The following DACH1 variants were observed in gnomAD, a reference collection of about 807,000 sequenced individuals.
The protein encoded by DACH1 is dachshund family transcription factor 1.
DACH1 carries 12 observed loss-of-function variants against 54.2 expected under a neutral mutation model. That is an observed-to-expected ratio of 0.22 (90% CI 0.14 to 0.36). The LOEUF (loss-of-function observed/expected upper bound fraction) is 0.36, where lower values mean the gene tolerates loss of function less well. DACH1 is among the 10% of genes least tolerant of loss of function. DACH1 has a pLI of 1.00. For synonymous variants in DACH1, 386 were observed against 366.2 expected, an observed-to-expected ratio of 1.05 and a Z score of -0.62; for missense variants, 805 against 929.8, an observed-to-expected ratio of 0.87 and a Z score of 1.75.
chr13:71,654,821 ATAATTC>A (rs1489360899), intron 2 of DACH1, among the ~76,000 whole-genome samples: 2 of 152,216 alleles, frequency 1.3e-5, no homozygotes, highest in Non-Finnish European at 2.9e-5. Context: ...ATAAACAAAA[ATAATTC>A]TAACAATAAA....
intron 1 of DACH1, among the ~76,000 whole-genome samples, chr13:71,848,329 C>A (rs9572800): frequency 0.08 from 12,100 of 152,056 alleles, 1,309 homozygotes; most frequent in East Asian, 0.56. Context: ...AGTGTTAATA[C>A]AATTTTAATA....
chr13:71,661,102 T>C (rs958095572), intron 2 of DACH1, among the ~76,000 whole-genome samples: 1 of 151,052 alleles, frequency 6.6e-6, no homozygotes, highest in African/African-American at 2.4e-5. Context: ...TTTTCCATGT[T>C]GTTTATTACA....
rs375963797 is a variant in DACH1 at position 71,516,337 on chromosome 13, CTTTTA to C, written c.1571-27194_1571-27190del. Among the ~76,000 whole-genome samples the C allele has an allele frequency of 2.2e-3, 341 of 151,668 alleles. 3 individuals are homozygous for C. The highest frequency in any genetic ancestry group is 8.0e-3 in the African/African-American group (330 of 41,382). Reference sequence around the variant, plus strand: ...TGTCTGGATGACTATAGTATCTTTCCTTTTATTTTTTTTTCTAAAGGCGTCTAATT... The same window carrying C: ...TGTCTGGATGACTATAGTATCTTTCCTTTTTTTTTCTAAAGGCGTCTAATT... On this transcript the variant is annotated intron_variant, in intron 6 of 10. Coordinates refer to ENST00000613252, the MANE Select transcript of DACH1 (RefSeq NM_080759.6).
intron 1 of DACH1, among the ~76,000 whole-genome samples, chr13:71,727,925 T>C (rs1033455076): frequency 2.6e-5 from 4 of 152,018 alleles, no homozygotes; most frequent in African/African-American, 9.7e-5. Flanking sequence ...GAGTAGATCT[T>C]AATTTCAGTG....
At chr13:71,824,112 G>A (rs1327334647) in intron 1 of DACH1, among the ~76,000 whole-genome samples, 2 of 151,880 alleles carry the variant, frequency 1.3e-5, no homozygotes, top group Non-Finnish European at 2.9e-5. Context: ...TAGAATATGT[G>A]TTACCTACGT....
intron 6 of DACH1, among the ~76,000 whole-genome samples, chr13:71,511,007 G>A (rs1593811109): frequency 6.6e-6 from 1 of 151,924 alleles, no homozygotes; most frequent in African/African-American, 2.4e-5. Context: ...TTGAAATAAT[G>A]TTTATACAAA....
rs78583042 is a variant in DACH1, at chr13:71,786,996, G to C, written c.848+78926C>G. On this transcript the variant is annotated intron_variant, in intron 1 of 10. Transcript: ENST00000613252. The stretch of plus-strand genomic sequence containing the variant: ...CTCCTTAGCCAGCCACTGTGAGAGA[G>C]AGAAAATGCAATTAAGGTTCCCACC... Among the ~76,000 whole-genome samples, 396 of 152,270 alleles carry C rather than the reference G, an allele frequency of 2.6e-3. 4 individuals carry two copies. The East Asian group carries it at 0.04, about 16-fold the overall frequency.
intron 1 of DACH1, among the ~76,000 whole-genome samples, chr13:71,792,992 A>G (rs1886896159): frequency 6.6e-6 from 1 of 152,158 alleles, no homozygotes; most frequent in Non-Finnish European, 1.5e-5. Context: ...TCTCTTTTGG[A>G]GCAGCTTTTA....
intron 3 of DACH1, among the ~76,000 whole-genome samples, chr13:71,624,242 T>A (rs898996176): frequency 6.6e-6 from 1 of 151,900 alleles, no homozygotes; most frequent in Non-Finnish European, 1.5e-5. Context: ...CTATTCTTAA[T>A]CAATTGAATT....
chr13:71,499,937 A>G (rs1879772210), intron 6 of DACH1, among the ~76,000 whole-genome samples: 1 of 152,170 alleles, frequency 6.6e-6, no homozygotes. Flanking sequence ...TAGTAGATGC[A>G]TAGTGCACCC....
intron 1 of DACH1, among the ~76,000 whole-genome samples, chr13:71,777,626 C>T (rs1316993678): frequency 1.3e-5 from 2 of 152,080 alleles, no homozygotes; most frequent in Non-Finnish European, 2.9e-5. Flanking sequence ...CACAAAAAAA[C>T]TAATCCAAAC....
chr13:71,725,615 A>G (rs1289421207), intron 1 of DACH1, among the ~76,000 whole-genome samples: 1 of 152,096 alleles, frequency 6.6e-6, no homozygotes, highest in Non-Finnish European at 1.5e-5. Flanking sequence ...TATAAATTTT[A>G]CTTTGATTAG....
At chr13:71,801,217 T>A (rs1221859939) in intron 1 of DACH1, among the ~76,000 whole-genome samples, 2 of 152,140 alleles carry the variant, frequency 1.3e-5, no homozygotes, top group African/African-American at 2.4e-5. Context: ...GTCTTCAATC[T>A]TCACATAAAT....
intron 2 of DACH1, among the ~76,000 whole-genome samples, chr13:71,666,654 G>A (rs1199357603): frequency 6.6e-6 from 1 of 151,864 alleles, no homozygotes; most frequent in Non-Finnish European, 1.5e-5. Flanking sequence ...CTGCATGCTA[G>A]TTGATATGAC....
At chr13:71,748,962 TTC>T (rs777988022) in intron 1 of DACH1, among the ~76,000 whole-genome samples, 29,783 of 66,302 alleles carry the variant, frequency 0.45, 6,332 homozygotes, top group Non-Finnish European at 0.58. Flanking sequence ...CTCTCTTTCT[TTC>T]TCTCTCTCTC....
chr13:71,736,449 A>G (rs1264946102), intron 1 of DACH1, among the ~76,000 whole-genome samples: 1 of 152,184 alleles, frequency 6.6e-6, no homozygotes, highest in African/African-American at 2.4e-5. Context: ...AGCTTAAGGA[A>G]AAAAGGTAAA....
intron 2 of DACH1, among the ~76,000 whole-genome samples, chr13:71,678,655 CTTCT>C (rs1475799246): frequency 6.7e-6 from 1 of 149,974 alleles, no homozygotes; most frequent in Non-Finnish European, 1.5e-5. Context: ...TCTCTCTTTC[CTTCT>C]TTCTTTTTTT....
rs140562773 is a variant in DACH1 at position 71,499,637 on chromosome 13, T to G, written c.1571-10489A>C. Among the ~76,000 whole-genome samples the G allele has an allele frequency of 5.2e-3, 799 of 152,358 alleles. 4 individuals are homozygous for G. The highest frequency in any genetic ancestry group is 9.4e-3 in the Non-Finnish European group (638 of 68,032). ...TGATATGCCTGCTATGAGGCTTTTTTTTCAGAACTCAGAAATAGAACAAGG... is the reference window on the plus strand; with the variant it reads ...TGATATGCCTGCTATGAGGCTTTTTGTTCAGAACTCAGAAATAGAACAAGG... On this transcript the variant is annotated intron_variant, in intron 6 of 10. Transcript: ENST00000613252.
chr13:71,479,598 G>A (rs577977263), intron 7 of DACH1, among the ~76,000 whole-genome samples: 45 of 152,104 alleles, frequency 3.0e-4, no homozygotes, highest in Non-Finnish European at 5.9e-4. Flanking sequence ...AGAATATCTA[G>A]ATCCAAAGCT....
Sources: allele counts gnomAD v4.1 joint callset (sites outside exome capture counted in the v4.1 genomes callset), GRCh38; gene constraint gnomAD v4.1.1; transcripts MANE v1.5; gene names NCBI Gene and HGNC (gene_info 2026-07-23, HGNC 2026-07-21).